Variants in USP9X observed in about 807,000 individuals in gnomAD.
The protein encoded by USP9X is ubiquitin carboxyl-terminal hydrolase 9X.
In USP9X, 7 loss-of-function variants were observed where a neutral mutation model predicts 190.3. That is an observed-to-expected ratio of 0.04 (90% CI 0.02 to 0.07). The LOEUF is 0.07. Ranked by LOEUF, USP9X falls within the 10% of genes least tolerant of loss-of-function variation. The probability of loss-of-function intolerance (pLI) is 1.00; values close to 1 mark genes in which losing one functional copy is unlikely to be tolerated. For synonymous variants in USP9X, 645 were observed against 659.5 expected (o/e 0.98, Z 0.34); for missense variants, 1,010 against 1,916.9 (o/e 0.53, Z 8.83).
chrX:41,129,601 AAAC>A (rs948339841), intron 3 of USP9X, among the ~76,000 whole-genome samples: 1 of 111,944 alleles, frequency 8.9e-6, no homozygotes, highest in African/African-American at 3.3e-5. Context: ...CTTATAGTAC[AAAC>A]AACCACCCTA....
chrX:41,161,814 C>T lies in USP9X; in HGVS notation c.1898-976C>T, dbSNP rs191735850. ...CCCCAGGCTGGTCTCGAACTCCTGGCCTGAAGCAATACTACTGCCTGGGTT... is the reference window on the plus strand; with the variant it reads ...CCCCAGGCTGGTCTCGAACTCCTGGTCTGAAGCAATACTACTGCCTGGGTT... On this transcript the variant is annotated intron_variant, in intron 14 of 44. Coordinates refer to ENST00000378308, the MANE Select transcript of USP9X (RefSeq NM_001039591.3). 1.3e-3 allele frequency among the ~76,000 whole-genome samples: 138 copies of T among 105,454 alleles called. 1 individual carries two copies. Among genetic ancestry groups the T allele is most frequent in the Non-Finnish European group, 2.4e-3 (122 of 51,531 alleles). The allele number at this position is 105,454 out of a possible 115,157, so 91.6% of individuals were successfully genotyped here.
At chrX:41,156,575 A>G (rs774195079) in intron 14 of USP9X, among the ~76,000 whole-genome samples, 3 of 111,978 alleles carry the variant, frequency 2.7e-5, no homozygotes, top group South Asian at 7.4e-4. Context: ...CACAGGGTGG[A>G]CATTATATGT....
chrX:41,207,840 C>T (rs181007341), intron 32 of USP9X, among the ~76,000 whole-genome samples: 5 of 110,293 alleles, frequency 4.5e-5, no homozygotes, highest in Non-Finnish European at 5.7e-5. Flanking sequence ...TAGTGTCTTG[C>T]GTGGACCACC....
Position 41,230,553 on chromosome X carries a change from A to T in USP9X, c.7484A>T (p.Asp2495Val). ...GAACATGAGTCGCCTCCACCTGAAGATGCCCCATTGTACCCCCATTCACCT... is the reference window on the plus strand; with the variant it reads ...GAACATGAGTCGCCTCCACCTGAAGTTGCCCCATTGTACCCCCATTCACCT... ...PDEHESPPPE[D>V]APLYPHSPGS... Residue 2495 changes from aspartate (D) to valine (V), a missense_variant, in exon 44 of 45, where the codon GAT becomes GTT. Transcript: ENST00000378308. 2 of 1,211,400 alleles carry T rather than the reference A, an allele frequency of 1.7e-6. No homozygotes were observed. The highest frequency in any genetic ancestry group is 2.2e-6 in the Non-Finnish European group (2 of 895,312).
At chrX:41,102,826 T>C (rs1412196547) in intron 1 of USP9X, among the ~76,000 whole-genome samples, 1 of 108,149 alleles carries the variant, frequency 9.2e-6, no homozygotes, top group Non-Finnish European at 1.9e-5. Context: ...GGAGTCTTGC[T>C]CTCTCACCCA....
At chrX:41,214,023 G>A (rs748961795) in intron 33 of USP9X, among the ~76,000 whole-genome samples, 1 of 112,339 alleles carries the variant, frequency 8.9e-6, no homozygotes, top group African/African-American at 3.2e-5. Flanking sequence ...CTCTTTGGTA[G>A]AAAATGACCA....
chrX:41,220,898 C>T (rs1429100073), intron 38 of USP9X, among the ~76,000 whole-genome samples: 2 of 103,947 alleles, frequency 1.9e-5, no homozygotes, highest in African/African-American at 3.6e-5. Context: ...GAGCCAAGAT[C>T]GCGCCACTGC....
In USP9X at chrX:41,216,542, G is replaced by A. The variant is rs1450462883; in HGVS notation, c.5975G>A (p.Arg1992Gln). ...IMPSAIERSV[R>Q]KQNVQFMHNR... is the part of the protein sequence containing the mutation. ...CCATCAGCCATTGAGAGAAGTGTAC[G>A]GAAACAGAACGTACAATTCATGCAT... is the stretch of plus-strand genomic sequence containing the variant. Residue 1992 changes from arginine to glutamine, a missense_variant, in exon 35 of 45, where the codon CGG (arginine) becomes CAG (glutamine). Transcript: ENST00000378308. 1 of 1,209,209 alleles carries A rather than the reference G, an allele frequency of 8.3e-7. No individual in the cohort carries two copies. Among genetic ancestry groups the A allele is most frequent in the Non-Finnish European group, 1.1e-6 (1 of 895,110 alleles).
At chrX:41,205,621 T>C in intron 32 of USP9X, 128 bp downstream of exon 32, 3 of 606,224 alleles carry the variant, frequency 4.9e-6, no homozygotes, top group Non-Finnish European at 6.9e-6. Context: ...CAAACTGTCC[T>C]TAATTGGGTG....
rs1004930949 is a variant in USP9X, at chrX:41,208,876, T to G, written c.5016-1633T>G. Among the ~76,000 whole-genome samples, 6 of 110,250 alleles carry G rather than the reference T, an allele frequency of 5.4e-5. No homozygotes were observed. In the Admixed American group the frequency reaches 5.8e-4, roughly 11 times the overall value. On this transcript the variant is annotated intron_variant, in intron 32 of 44. Coordinates refer to ENST00000378308, the MANE Select transcript of USP9X (RefSeq NM_001039591.3). ...GCGCCTGCCACCAATGCCCAGCTAA[T>G]TTTTTGTATTTTTAGTAGAGACAGA...
chrX:41,164,021 C>G (rs778211061), intron 15 of USP9X, among the ~76,000 whole-genome samples: 12 of 111,038 alleles, frequency 1.1e-4, no homozygotes, highest in South Asian at 7.6e-4. Context: ...TACAGGCATG[C>G]GCCACCACGC....
intron 38 of USP9X, 70 bp downstream of exon 38, chrX:41,219,301 G>A (rs2063239822): frequency 2.9e-6 from 3 of 1,049,163 alleles, no homozygotes; most frequent in African/African-American, 1.9e-5. Flanking sequence ...TTTAGGTCAA[G>A]TGATGAAATA....
chrX:41,112,051 G>T (rs1199823082), intron 1 of USP9X, among the ~76,000 whole-genome samples: 3 of 111,245 alleles, frequency 2.7e-5, no homozygotes, highest in Admixed American at 1.9e-4. Context: ...CTCCACGTTG[G>T]TCAGGCTGGT....
intron 32 of USP9X, among the ~76,000 whole-genome samples, 191 bp downstream of exon 32, chrX:41,205,684 G>GT (rs1466374580): frequency 9.8e-6 from 1 of 101,609 alleles, no homozygotes; most frequent in Admixed American, 1.1e-4. Flanking sequence ...AACTGCCATA[G>GT]TAAGTAAGGG....
chrX:41,165,622 A>G (rs892312781), intron 15 of USP9X, among the ~76,000 whole-genome samples: 4 of 111,746 alleles, frequency 3.6e-5, no homozygotes, highest in Admixed American at 9.5e-5. Context: ...TTTTATTCCT[A>G]ATTCAGCTAG....
At chrX:41,159,300 G>A (rs776109596) in intron 14 of USP9X, among the ~76,000 whole-genome samples, 3 of 111,507 alleles carry the variant, frequency 2.7e-5, no homozygotes, top group Non-Finnish European at 5.6e-5. Context: ...AACAGTAAAT[G>A]TTGATGAGGC....
intron 5 of USP9X, 43 bp downstream of exon 5, chrX:41,134,880 G>GA (rs1326135375): frequency 9.8e-7 from 1 of 1,021,626 alleles, no homozygotes; most frequent in African/African-American, 1.9e-5. Context: ...TTTACATAGT[G>GA]ATGCCTGTGA....
At chrX:41,199,926 C>T (rs1273230468) in intron 30 of USP9X, among the ~76,000 whole-genome samples, 1 of 111,178 alleles carries the variant, frequency 9.0e-6, no homozygotes, top group Non-Finnish European at 1.9e-5. Context: ...TCAGACCTTA[C>T]AGATAAGGAA....
intron 14 of USP9X, among the ~76,000 whole-genome samples, chrX:41,157,935 A>G (rs1487144446): frequency 1.8e-5 from 2 of 112,156 alleles, no homozygotes; most frequent in Non-Finnish European, 3.8e-5. Flanking sequence ...GTAAAGAGAA[A>G]TTATTTTTTA....
Sources: allele counts gnomAD v4.1 joint callset (sites outside exome capture counted in the v4.1 genomes callset), GRCh38; gene constraint gnomAD v4.1.1; transcripts MANE v1.5; gene names NCBI Gene and HGNC (gene_info 2026-07-23, HGNC 2026-07-21).